The following TAS1R3 variants were observed in gnomAD, a reference collection of about 807,000 sequenced individuals.
TAS1R3 encodes the protein taste receptor type 1 member 3.
TAS1R3 carries 58 observed loss-of-function variants against 46.1 expected under a neutral mutation model. The observed-to-expected ratio is 1.26, with a 90% CI of 1.02 to 1.57. The LOEUF (loss-of-function observed/expected upper bound fraction) is 1.57. TAS1R3 is among the 40% of genes most tolerant of loss of function. TAS1R3 has a pLI of 0.00. For synonymous variants in TAS1R3, 724 were observed against 544.7 expected (o/e 1.33, Z -4.58); for missense variants, 1,422 against 1,185.8 (o/e 1.20, Z -2.93).
chr1:1,331,496 C>A lies in TAS1R3; in HGVS notation c.151C>A (p.Leu51Ile), dbSNP rs758845008. The change falls in exon 1 of 6, where the codon CTC becomes ATC. Residue 51 changes from leucine (L) to isoleucine (I), a missense_variant. Leu to Ile is a conservative substitution (Grantham distance 5). Transcript: ENST00000339381. ...FPLGEAEEAG[L>I]RSRTRPSSPV... ...CCTGGGCGAGGCCGAGGAGGCTGGC[C>A]TCCGCAGCCGGACACGGCCCAGCAG... 1 of 1,605,460 alleles carries A rather than the reference C, an allele frequency of 6.2e-7. No individual in the cohort carries two copies. Among genetic ancestry groups the A allele is most frequent in the Admixed American group, 1.7e-5 (1 of 58,472 alleles).
chr1:1,333,123 AGGTGAGGTGAGGGTG>A lies in TAS1R3; in HGVS notation c.1479+4_1479+18del, dbSNP rs1286238064. Reference sequence around the variant, plus strand: ...ATCCGCTGGCACACGTCTGACAACCAGGTGAGGTGAGGGTGGGTGTGCCAGGCGTGCCCGTGGTAG... The same window carrying A: ...ATCCGCTGGCACACGTCTGACAACCAGGTGTGCCAGGCGTGCCCGTGGTAG... On this transcript the variant is annotated splice_donor_variant and splice_donor_5th_base_variant and coding_sequence_variant and intron_variant, in exon 4 of 6. Transcript: ENST00000339381. LOFTEE classifies it high-confidence loss of function. The A allele has an allele frequency of 2.5e-6, 4 of 1,609,690 alleles. No individual in the cohort carries two copies. Among genetic ancestry groups the A allele is most frequent in the Non-Finnish European group, 3.4e-6 (4 of 1,178,742 alleles).
rs145196342 is a variant in TAS1R3, at chr1:1,333,308, G to A, written c.1529G>A (p.Arg510Gln). 25 of 1,600,528 alleles carry A rather than the reference G, an allele frequency of 1.6e-5. No homozygotes were observed. Among genetic ancestry groups the A allele is most frequent in the East Asian group, 4.5e-5 (2 of 44,232 alleles). ...SRQCQEGQVR[R>Q]VKGFHSCCYD... is the part of the protein sequence containing the mutation. ...CAGTGCCAGGAGGGCCAGGTGCGCC[G>A]GGTCAAGGGGTTCCACTCCTGCTGC... is the stretch of plus-strand genomic sequence containing the variant. The change falls in exon 5 of 6, where the codon CGG becomes CAG. Residue 510 changes from arginine to glutamine, a missense_variant. By Grantham distance (43) the Arg-to-Gln change is conservative. Coordinates refer to ENST00000339381, the MANE Select transcript of TAS1R3 (RefSeq NM_152228.3).
At position 1,332,754 on chromosome 1, in the gene TAS1R3, T is replaced by C; in HGVS notation, c.1223T>C (p.Leu408Pro). ...YSVAQALHNT[L>P]QCNASGCPAQ... ...GTGGCCCAGGCCCTGCACAACACTC[T>C]TCAGTGCAACGCCTCAGGCTGCCCC... Residue 408 changes from leucine to proline, a missense_variant, in exon 3 of 6, where the codon CTT becomes CCT. By Grantham distance (98) the Leu-to-Pro change is moderately conservative. Coordinates refer to ENST00000339381, the MANE Select transcript of TAS1R3 (RefSeq NM_152228.3). 1 of 1,605,760 alleles carries C rather than the reference T, an allele frequency of 6.2e-7. No homozygotes were observed. Among genetic ancestry groups the C allele is most frequent in the South Asian group, 1.1e-5 (1 of 91,076 alleles).
In TAS1R3 at chr1:1,333,647, G is replaced by A. The variant is rs1433888501; in HGVS notation, c.1742G>A (p.Gly581Asp). 2 of 1,612,060 alleles carry A rather than the reference G, an allele frequency of 1.2e-6. No individual in the cohort carries two copies. The highest frequency in any genetic ancestry group is 1.7e-6 in the Non-Finnish European group (2 of 1,179,930). Residue 581 changes from glycine (G) to aspartate (D), a missense_variant, in exon 6 of 6, where the codon GGC becomes GAC. Coordinates refer to ENST00000339381, the MANE Select transcript of TAS1R3 (RefSeq NM_152228.3). ...CTCCTGCTGCTGAGCCTGGCGCTGG[G>A]CCTTGTGCTGGCTGCTTTGGGGCTG... The part of the protein sequence containing the change: ...LLLLLLSLAL[G>D]LVLAALGLFV...
At position 1,331,300 on chromosome 1, in the gene TAS1R3, C is replaced by T. The variant is rs762819289; in HGVS notation, c.-46C>T. ...CCCGGGCTCACTCCATGTGAGGCCC[C>T]AGTCGGGGCAGCCACCTGCCGTGCC... On this transcript the variant is annotated 5_prime_UTR_variant, in exon 1 of 6. Coordinates refer to ENST00000339381, the MANE Select transcript of TAS1R3 (RefSeq NM_152228.3). 2.6e-6 allele frequency: 4 copies of T among 1,521,118 alleles called. No homozygotes were observed. In the Admixed American group the frequency reaches 9.1e-5, roughly 35 times the overall value. 94.2% of individuals were successfully genotyped at this position (1,521,118 alleles called of 1,614,324 possible).
chr1:1,334,538 T>C lies in TAS1R3; in HGVS notation c.*74T>C, dbSNP rs1643514063. 2 of 1,419,288 alleles carry C rather than the reference T, an allele frequency of 1.4e-6. No homozygotes were observed. The highest frequency in any genetic ancestry group is 1.4e-5 in the African/African-American group (1 of 69,714). 87.9% of individuals were successfully genotyped at this position (1,419,288 alleles called of 1,614,324 possible). A position where few individuals can be genotyped will look rare whatever the true frequency, so the allele number is the denominator to read the frequency against. ...CCCCCCAAGCCAGCAATGACCCGTGTCTCGCTACAGAGACCCTCCCGCTCT... is the reference window on the plus strand; with the variant it reads ...CCCCCCAAGCCAGCAATGACCCGTGCCTCGCTACAGAGACCCTCCCGCTCT... On this transcript the variant is annotated 3_prime_UTR_variant, in exon 6 of 6. Coordinates refer to ENST00000339381, the MANE Select transcript of TAS1R3 (RefSeq NM_152228.3).
rs750534652 is a variant in TAS1R3, at chr1:1,333,212, G to C, written c.1480-47G>C. ...GGGGTGGGGGCCGTTCCAGTCTCCC[G>C]TGGGCATGCCCAGCCGAGCAGAGCC... On this transcript the variant is annotated intron_variant, in intron 4 of 5. Transcript: ENST00000339381. 3 of 1,593,584 alleles carry C rather than the reference G, an allele frequency of 1.9e-6. No homozygotes were observed. The Admixed American group carries it at 5.2e-5, about 27-fold the overall frequency.
In TAS1R3 at chr1:1,331,369, C is replaced by A; in HGVS notation, c.24C>A (p.Gly8=). ...CCATGCTGGGCCCTGCTGTCCTGGG[C>A]CTCAGCCTCTGGGCTCTCCTGCACC... MLGPAVL[G]LSLWALLHPG... is the part of the protein sequence containing the mutation. The change falls in exon 1 of 6, where the codon GGC becomes GGA. Residue 8 remains glycine, a synonymous_variant. Transcript: ENST00000339381. 6.3e-7 allele frequency: 1 copy of A among 1,598,412 alleles called. No homozygotes were observed. Among genetic ancestry groups the A allele is most frequent in the South Asian group, 1.1e-5 (1 of 89,610 alleles).
rs371227575 is a variant in TAS1R3 at position 1,332,270 on chromosome 1, C to G, written c.739C>G (p.Arg247Gly). The stretch of plus-strand genomic sequence containing the variant: ...GCACGAGGGCCTGGTGCCGCTGCCC[C>G]GTGCCGATGACTCGCGGCTGGGGAA... Reference protein sequence around the residue: ...IAHEGLVPLPRADDSRLGKVQ... With the variant: ...IAHEGLVPLPGADDSRLGKVQ... Residue 247 changes from arginine (R) to glycine (G), a missense_variant, in exon 3 of 6, where the codon CGT becomes GGT. Arg to Gly is a moderately radical substitution (Grantham distance 125). Coordinates refer to ENST00000339381, the MANE Select transcript of TAS1R3 (RefSeq NM_152228.3). 5 of 1,601,230 alleles carry G rather than the reference C, an allele frequency of 3.1e-6. No homozygotes were observed. The African/African-American group carries it at 4.0e-5, about 13-fold the overall frequency.
rs1643510187 is a variant in TAS1R3, at chr1:1,334,403, G to A, written c.2498G>A (p.Gly833Asp). The change falls in exon 6 of 6, where the codon GGC (glycine) becomes GAC (aspartate). Residue 833 changes from glycine (G) to aspartate (D), a missense_variant. Physicochemically the swap from Gly to Asp is moderately conservative, Grantham distance 94. Transcript: ENST00000339381. ...LNTPEFFLGG[G>D]PGDAQGQNDG... Reference sequence around the variant, plus strand: ...ACCCCCGAGTTCTTCCTGGGAGGGGGCCCTGGGGATGCCCAAGGCCAGAAT... The same window carrying A: ...ACCCCCGAGTTCTTCCTGGGAGGGGACCCTGGGGATGCCCAAGGCCAGAAT... 3.7e-6 allele frequency: 6 copies of A among 1,605,916 alleles called. No homozygotes were observed. Among genetic ancestry groups the A allele is most frequent in the South Asian group, 2.2e-5 (2 of 90,402 alleles).
chr1:1,332,817 G>A lies in TAS1R3; in HGVS notation c.1275+11G>A, dbSNP rs769801664. ...GTGAAGCCCTGGCAGGTGAGCCCGG[G>A]AGATGGGGGTGTGCTGTCCTCTGCA... On this transcript the variant is annotated intron_variant, in intron 3 of 5. Transcript: ENST00000339381. 1.2e-6 allele frequency: 2 copies of A among 1,600,578 alleles called. No individual in the cohort carries two copies. Among genetic ancestry groups the A allele is most frequent in the East Asian group, 4.5e-5 (2 of 44,694 alleles).
chr1:1,333,684 T>G lies in TAS1R3; in HGVS notation c.1779T>G (p.His593Gln). Residue 593 changes from histidine to glutamine, a missense_variant, in exon 6 of 6, where the codon CAT (histidine) becomes CAG (glutamine). His to Gln is a conservative substitution (Grantham distance 24). Coordinates refer to ENST00000339381, the MANE Select transcript of TAS1R3 (RefSeq NM_152228.3). ...VLAALGLFVH[H>Q]RDSPLVQASG... The stretch of plus-strand genomic sequence containing the variant: ...CTGCTTTGGGGCTGTTCGTTCACCA[T>G]CGGGACAGCCCACTGGTTCAGGCCT... The G allele has an allele frequency of 6.2e-7, 1 of 1,611,856 alleles. No homozygotes were observed.
chr1:1,331,995 T>C, intron 2 of TAS1R3, 29 bp from the exon 3 acceptor site: 3 of 1,382,480 alleles, frequency 2.2e-6, no homozygotes, highest in Non-Finnish European at 2.9e-6. Context: ...GGAGCCCCTG[T>C]GTCAGGAGAT....
rs1251674658 is a variant in TAS1R3, at chr1:1,332,663, C to T, written c.1132C>T (p.Leu378=). The T allele has an allele frequency of 6.2e-7, 1 of 1,606,952 alleles. No homozygotes were observed. The highest frequency in any genetic ancestry group is 8.5e-7 in the Non-Finnish European group (1 of 1,179,608). The change falls in exon 3 of 6, where the codon CTG becomes TTG. Residue 378 remains leucine (L), a synonymous_variant. Coordinates refer to ENST00000339381, the MANE Select transcript of TAS1R3 (RefSeq NM_152228.3). ...QRCPQCDCIT[L]QNVSAGLNHH... Reference sequence around the variant, plus strand: ...CTGCCCGCAGTGTGACTGCATCACGCTGCAGAACGTGAGCGCAGGGCTAAA... The same window carrying T: ...CTGCCCGCAGTGTGACTGCATCACGTTGCAGAACGTGAGCGCAGGGCTAAA...
intron 2 of TAS1R3, 34 bp from the exon 3 acceptor site, chr1:1,331,990 C>T (rs1007959892): frequency 1.2e-6 from 2 of 1,604,680 alleles, no homozygotes; most frequent in East Asian, 2.2e-5. Context: ...CCGTGGGAGC[C>T]CCTGTGTCAG....
Position 1,332,510 on chromosome 1 carries a change from AG to A in TAS1R3, c.983del (p.Gly328ValfsTer11), listed in dbSNP as rs1294741821. On this transcript the variant is annotated frameshift_variant, in exon 3 of 6. Coordinates refer to ENST00000339381, the MANE Select transcript of TAS1R3 (RefSeq NM_152228.3). LOFTEE classifies it high-confidence loss of function. ...QMGTVLGFLQ[R>X]GAQLHEFPQY... ...GGGCACGGTGCTTGGCTTCCTCCAG[AG>A]GGGTGCCCAGCTGCACGAGTTCCCC... The A allele has an allele frequency of 6.2e-7, 1 of 1,611,230 alleles. No homozygotes were observed. The highest frequency in any genetic ancestry group is 8.5e-7 in the Non-Finnish European group (1 of 1,179,908).
Position 1,332,016 on chromosome 1 carries a change from C to T in TAS1R3, c.493-8C>T. 3 of 1,593,410 alleles carry T rather than the reference C, an allele frequency of 1.9e-6. No homozygotes were observed. Among genetic ancestry groups the T allele is most frequent in the Non-Finnish European group, 2.6e-6 (3 of 1,173,186 alleles). On this transcript the variant is annotated splice_polypyrimidine_tract_variant and splice_region_variant and intron_variant, in intron 2 of 5. Transcript: ENST00000339381. ...CCTGTGTCAGGAGATGCCTCTTGGCCCTTGCAGGTCAGCTACGGTGCTAGC... is the reference window on the plus strand; with the variant it reads ...CCTGTGTCAGGAGATGCCTCTTGGCTCTTGCAGGTCAGCTACGGTGCTAGC...
rs776043323 is a variant in TAS1R3, at chr1:1,333,765, C to T, written c.1860C>T (p.Ser620=). ...GLVCLGLVCL[S]VLLFPGQPSP... ...TGTGCCTGGGCCTGGTCTGCCTCAG[C>T]GTCCTCCTGTTCCCTGGCCAGCCCA... The change falls in exon 6 of 6, where the codon AGC becomes AGT. Residue 620 remains serine (S), a synonymous_variant. Coordinates refer to ENST00000339381, the MANE Select transcript of TAS1R3 (RefSeq NM_152228.3). 2.3e-5 allele frequency: 37 copies of T among 1,595,960 alleles called. No homozygotes were observed. Among genetic ancestry groups the T allele is most frequent in the Non-Finnish European group, 3.1e-5 (36 of 1,174,514 alleles).
rs776752562 is a variant in TAS1R3, at chr1:1,333,323, A to G, written c.1544A>G (p.His515Arg). The G allele has an allele frequency of 3.1e-6, 5 of 1,604,618 alleles. No homozygotes were observed. In the East Asian group the frequency reaches 6.8e-5, roughly 22 times the overall value. Residue 515 changes from histidine (H) to arginine (R), a missense_variant, in exon 5 of 6, where the codon CAC becomes CGC. By Grantham distance (29) the His-to-Arg change is conservative. Coordinates refer to ENST00000339381, the MANE Select transcript of TAS1R3 (RefSeq NM_152228.3). Reference sequence around the variant, plus strand: ...CAGGTGCGCCGGGTCAAGGGGTTCCACTCCTGCTGCTACGACTGTGTGGAC... The same window carrying G: ...CAGGTGCGCCGGGTCAAGGGGTTCCGCTCCTGCTGCTACGACTGTGTGGAC... The part of the protein sequence containing the change: ...EGQVRRVKGF[H>R]SCCYDCVDCE...
Sources: gnomAD v4.1 joint callset for allele counts on GRCh38, gnomAD v4.1.1 for gene constraint, MANE v1.5 for transcripts, NCBI Gene and HGNC (gene_info 2026-07-23, HGNC 2026-07-21) for gene names.